The following ELAVL2 variants were observed in gnomAD, a reference collection of about 807,000 sequenced individuals.
The protein encoded by ELAVL2 is ELAV-like protein 2.
ELAVL2 carries 4 observed loss-of-function variants against 34.6 expected under a neutral mutation model. The ratio of observed to expected loss-of-function variants is 0.12; its 90% CI spans 0.06 to 0.26. The LOEUF (loss-of-function observed/expected upper bound fraction) is 0.26. ELAVL2 is among the 10% of genes least tolerant of loss of function. ELAVL2 has a pLI of 1.00. For missense variants in ELAVL2, 432 were observed against 442.8 expected, an observed-to-expected ratio of 0.98 and a Z score of 0.22; for synonymous variants, 193 against 154.8, an observed-to-expected ratio of 1.25 and a Z score of -1.83.
chr9:23,724,156 C>G (rs1390253876), intron 3 of ELAVL2, among the ~76,000 whole-genome samples: 1 of 152,120 alleles, frequency 6.6e-6, no homozygotes, highest in African/African-American at 2.4e-5. Context: ...CAAAATGATC[C>G]ATCAATTCCA....
At position 23,756,723 on chromosome 9, in the gene ELAVL2, A is replaced by G. The variant is rs189407955; in HGVS notation, c.229+5283T>C. ...ACAGCACTTTAAACTTAAACTTTCC[A>G]AAGAATTAAGTACTGCAATTGTTAA... On this transcript the variant is annotated intron_variant, in intron 2 of 6. Coordinates refer to ENST00000397312, the MANE Select transcript of ELAVL2 (RefSeq NM_004432.5). Among the ~76,000 whole-genome samples the G allele has an allele frequency of 6.6e-5, 10 of 152,288 alleles. No individual in the cohort carries two copies. The East Asian group carries it at 1.2e-3, about 18-fold the overall frequency.
intron 3 of ELAVL2, among the ~76,000 whole-genome samples, chr9:23,723,315 A>G (rs1044748307): frequency 6.6e-6 from 1 of 152,082 alleles, no homozygotes; most frequent in Non-Finnish European, 1.5e-5. Flanking sequence ...GTAAACTATC[A>G]CAAGGACAAA....
intron 1 of ELAVL2, among the ~76,000 whole-genome samples, chr9:23,778,992 T>C (rs1433813177): frequency 6.6e-6 from 1 of 152,098 alleles, no homozygotes; most frequent in African/African-American, 2.4e-5. Flanking sequence ...CCTAATCAAA[T>C]ATTTTGCTAT....
chr9:23,784,719 A>G (rs1165123875), intron 1 of ELAVL2, among the ~76,000 whole-genome samples: 2 of 152,220 alleles, frequency 1.3e-5, no homozygotes, highest in African/African-American at 2.4e-5. Context: ...GTGTTTCTGA[A>G]CTAGGTAGGT....
intron 2 of ELAVL2, among the ~76,000 whole-genome samples, chr9:23,761,094 C>T (rs2054877335): frequency 6.6e-6 from 1 of 152,058 alleles, no homozygotes; most frequent in African/African-American, 2.4e-5. Flanking sequence ...TCTCATTCTT[C>T]ACACTGCCTT....
chr9:23,791,587 T>A (rs1287431336), intron 1 of ELAVL2, among the ~76,000 whole-genome samples: 1 of 152,010 alleles, frequency 6.6e-6, no homozygotes, highest in Non-Finnish European at 1.5e-5. Context: ...GTCATAAGTG[T>A]AAATAATTAA....
chr9:23,726,952 G>T (rs1208996369), intron 3 of ELAVL2, among the ~76,000 whole-genome samples: 1 of 151,950 alleles, frequency 6.6e-6, no homozygotes, highest in Admixed American at 6.6e-5. Flanking sequence ...GAAGGATCTT[G>T]GAGAAAAACC....
At chr9:23,750,777 A>G (rs2051764674) in intron 2 of ELAVL2, among the ~76,000 whole-genome samples, 2 of 152,194 alleles carry the variant, frequency 1.3e-5, no homozygotes, top group Admixed American at 6.5e-5. Flanking sequence ...ATGGAATGAA[A>G]AAAGCTCCCA....
At chr9:23,779,195 G>T (rs1020530346) in intron 1 of ELAVL2, 6 of 985,242 alleles carry the variant, frequency 6.1e-6, no homozygotes, top group Admixed American at 6.1e-5. Context: ...TAAAACAGGA[G>T]GTAAGTGGGG....
chr9:23,756,189 A>G (rs2053520472), intron 2 of ELAVL2, among the ~76,000 whole-genome samples: 1 of 152,162 alleles, frequency 6.6e-6, no homozygotes, highest in African/African-American at 2.4e-5. Flanking sequence ...GCAAGCAGAG[A>G]CACAAGATAA....
chr9:23,801,801 C>T (rs78077488), intron 1 of ELAVL2, among the ~76,000 whole-genome samples: 3 of 152,158 alleles, frequency 2.0e-5, no homozygotes, highest in African/African-American at 7.2e-5. Flanking sequence ...AATAAATGGG[C>T]ACCCTTCACT....
chr9:23,812,785 A>G (rs1368446300), intron 1 of ELAVL2, among the ~76,000 whole-genome samples: 1 of 151,908 alleles, frequency 6.6e-6, no homozygotes, highest in Admixed American at 6.6e-5. Context: ...GTTGTAGAGT[A>G]AGCCAATGCT....
At chr9:23,717,339 G>A (rs955230816) in intron 3 of ELAVL2, among the ~76,000 whole-genome samples, 7 of 152,072 alleles carry the variant, frequency 4.6e-5, no homozygotes, top group East Asian at 1.9e-4. Context: ...ATGTTTCTAC[G>A]AGCAAATTAC....
At chr9:23,843,813 C>A in the ELAVL2 span, among the ~76,000 whole-genome samples, 332 of 151,856 alleles carry the variant, frequency 2.2e-3, 2 homozygotes, top group African/African-American at 7.7e-3. Context: ...GAAAATGGGG[C>A]CTTTGCTTTA....
At chr9:23,830,623 C>CACACACACACACACA (rs1005897669), upstream of ELAVL2, among the ~76,000 whole-genome samples, 25 of 147,464 alleles carry the variant, frequency 1.7e-4, no homozygotes, top group African/African-American at 6.3e-4. Flanking sequence ...CACACACACA[C>CACACACACACACACA]ACCTTTTTTT....
At chr9:23,844,498 G>C in the ELAVL2 span, among the ~76,000 whole-genome samples, 5 of 151,928 alleles carry the variant, frequency 3.3e-5, no homozygotes, top group Non-Finnish European at 7.4e-5. Context: ...AAATTCAAAA[G>C]TCTAGATTTC....
At chr9:23,735,099 G>T (rs1462080952) in intron 2 of ELAVL2, 2 of 19,930 alleles carry the variant, frequency 1.0e-4, no homozygotes, top group Non-Finnish European at 2.1e-4. Context: ...CAAAGCTAAG[G>T]CTCTTCAAAA....
chr9:23,769,651 C>G (rs981213410), intron 1 of ELAVL2, among the ~76,000 whole-genome samples: 2 of 152,224 alleles, frequency 1.3e-5, no homozygotes, highest in African/African-American at 2.4e-5. Flanking sequence ...ACCATGTTAG[C>G]TGTCTCACTA....
At chr9:23,709,451 AT>A (rs11290732) in intron 3 of ELAVL2, among the ~76,000 whole-genome samples, 27,407 of 146,574 alleles carry the variant, frequency 0.19, 2,750 homozygotes, top group South Asian at 0.35. Context: ...CTCCATTCCG[AT>A]TTTTTTTTTT....
Sources: allele counts gnomAD v4.1 joint callset (sites outside exome capture counted in the v4.1 genomes callset), GRCh38; gene constraint gnomAD v4.1.1; transcripts MANE v1.5; gene names NCBI Gene and HGNC (gene_info 2026-07-23, HGNC 2026-07-21).